Variants in SHOC2 observed in about 807,000 individuals in gnomAD.
SHOC2 encodes the protein leucine-rich repeat protein SHOC-2.
A neutral mutation model predicts 50.2 loss-of-function variants in SHOC2; 4 were observed. The ratio of observed to expected loss-of-function variants is 0.08; its 90% CI spans 0.04 to 0.18. The LOEUF is 0.18. Among genes scored for constraint, SHOC2 ranks in the 10% least tolerant of loss-of-function variants. The pLI, the probability that SHOC2 is intolerant of heterozygous loss-of-function variation, is 1.00. For synonymous variants in SHOC2, 218 were observed against 244.5 expected (o/e 0.89, Z 1.01); for missense variants, 388 against 669.6 (o/e 0.58, Z 4.64).
At chr10:110,963,080 A>G (rs1847602423) in intron 1 of SHOC2, among the ~76,000 whole-genome samples, 2 of 152,144 alleles carry the variant, frequency 1.3e-5, no homozygotes, top group South Asian at 4.1e-4. Flanking sequence ...TTAACCTCTT[A>G]AGCTAGTCAG....
chr10:110,924,689 C>T (rs1424120625), intron 1 of SHOC2, among the ~76,000 whole-genome samples: 1 of 152,064 alleles, frequency 6.6e-6, no homozygotes, highest in East Asian at 1.9e-4. Flanking sequence ...ACCTATTTTT[C>T]ATTACTATTT....
intron 1 of SHOC2, among the ~76,000 whole-genome samples, chr10:110,941,062 G>C (rs1201990092): frequency 6.6e-6 from 1 of 151,404 alleles, no homozygotes; most frequent in African/African-American, 2.4e-5. Flanking sequence ...CTCCCAAGTA[G>C]CTGAGACAAC....
intron 1 of SHOC2, among the ~76,000 whole-genome samples, chr10:110,921,093 A>G (rs1846638127): frequency 6.6e-6 from 1 of 152,188 alleles, no homozygotes; most frequent in Non-Finnish European, 1.5e-5. Flanking sequence ...CTCATCCTCC[A>G]TGCTGTGGAC....
Position 110,964,682 on chromosome 10 carries a change from C to G in SHOC2, c.324C>G (p.Ser108=), listed in dbSNP as rs1255512654. 6.2e-7 allele frequency: 1 copy of G among 1,613,874 alleles called. No homozygotes were observed. Among genetic ancestry groups the G allele is most frequent in the African/African-American group, 1.3e-5 (1 of 74,854 alleles). ...AGAATTCAATGCGTTTGGACTTATCCAAGAGATCTATACACATATTGCCAT... is the reference window on the plus strand; with the variant it reads ...AGAATTCAATGCGTTTGGACTTATCGAAGAGATCTATACACATATTGCCAT... ...REENSMRLDL[S]KRSIHILPSS... Residue 108 remains serine (S), a synonymous_variant, in exon 2 of 9, where the codon TCC becomes TCG. Transcript: ENST00000369452. The surrounding 1 kb of genome is among the most constrained non-coding windows in gnomAD (Gnocchi z 4.9).
chr10:110,936,341 G>C (rs1202852641), intron 1 of SHOC2, among the ~76,000 whole-genome samples: 1 of 151,718 alleles, frequency 6.6e-6, no homozygotes, highest in Non-Finnish European at 1.5e-5. Flanking sequence ...GAACTCAGGT[G>C]ATCCGCCTGC....
At chr10:110,974,461 CAT>C (rs1208965586) in intron 2 of SHOC2, among the ~76,000 whole-genome samples, 4 of 152,054 alleles carry the variant, frequency 2.6e-5, no homozygotes, top group Non-Finnish European at 4.4e-5. Context: ...TCAACAGTGT[CAT>C]ACAGTGCTTG....
chr10:110,941,499 T>C (rs929501119), intron 1 of SHOC2, among the ~76,000 whole-genome samples: 6 of 151,944 alleles, frequency 3.9e-5, no homozygotes, highest in Admixed American at 3.9e-4. Flanking sequence ...GCCTGGCTAA[T>C]TTTTGTATTT....
Position 111,013,228 on chromosome 10 carries a change from G to A in SHOC2, c.*1410G>A, listed in dbSNP as rs779208280. The A allele has an allele frequency of 6.6e-6, 1 of 151,330 alleles. No homozygotes were observed. Among genetic ancestry groups the A allele is most frequent in the Non-Finnish European group, 1.5e-5 (1 of 67,932 alleles). 9.4% of individuals were successfully genotyped at this position (151,330 alleles called of 1,614,324 possible). On this transcript the variant is annotated 3_prime_UTR_variant, in exon 9 of 9. Transcript: ENST00000369452. ...ATTGAGGAGTCTCAGAGCAAGGTGC[G>A]TTCTAGATGTCATCCTAAAAAACAC...
intron 2 of SHOC2, among the ~76,000 whole-genome samples, chr10:110,974,698 A>G (rs1847844542): frequency 6.6e-6 from 1 of 152,056 alleles, no homozygotes; most frequent in Non-Finnish European, 1.5e-5. Context: ...AGTGTTTACA[A>G]TACATTATCA....
intron 2 of SHOC2, among the ~76,000 whole-genome samples, chr10:110,971,409 T>C (rs982323248): frequency 5.3e-5 from 8 of 152,144 alleles, no homozygotes; most frequent in African/African-American, 1.7e-4. Context: ...TCAATTGATC[T>C]ATTGTCTTGT....
chr10:111,003,164 A>G (rs978752091), intron 4 of SHOC2, among the ~76,000 whole-genome samples: 6 of 152,228 alleles, frequency 3.9e-5, no homozygotes, highest in Non-Finnish European at 8.8e-5. Context: ...CCTCAATTAT[A>G]TAGTTACTTC....
chr10:110,961,665 A>G (rs1201654870), intron 1 of SHOC2, among the ~76,000 whole-genome samples: 1 of 152,172 alleles, frequency 6.6e-6, no homozygotes, highest in African/African-American at 2.4e-5. Context: ...CACTAGTTCA[A>G]ATTCATCACC....
At chr10:110,957,168 A>G (rs1847479993) in intron 1 of SHOC2, among the ~76,000 whole-genome samples, 2 of 152,222 alleles carry the variant, frequency 1.3e-5, no homozygotes, top group South Asian at 4.1e-4. Flanking sequence ...CCATGCTTTC[A>G]TACCATTTAA....
intron 3 of SHOC2, among the ~76,000 whole-genome samples, chr10:110,991,014 A>G (rs1056548771): frequency 6.6e-6 from 1 of 152,188 alleles, no homozygotes; most frequent in African/African-American, 2.4e-5. Flanking sequence ...TTTCTCCTAA[A>G]TATCTGTGTA....
At chr10:110,936,483 G>A in intron 1 of SHOC2, 1 of 569,930 alleles carries the variant, frequency 1.8e-6, no homozygotes, top group Non-Finnish European at 3.1e-6. Context: ...ATTCTCAAAG[G>A]ATTCTCTTTT....
chr10:110,962,929 T>C (rs572378364), intron 1 of SHOC2, among the ~76,000 whole-genome samples: 1 of 152,336 alleles, frequency 6.6e-6, no homozygotes, highest in East Asian at 1.9e-4. Flanking sequence ...TTGTTATATG[T>C]GAGTGTTTTG....
chr10:111,011,535 A>T, intron 8 of SHOC2, 75 bp from the exon 9 acceptor site: 4 of 972,884 alleles, frequency 4.1e-6, no homozygotes, highest in Non-Finnish European at 6.5e-6. Flanking sequence ...TAATGACCAG[A>T]ACAGCATCAT....
intron 2 of SHOC2, among the ~76,000 whole-genome samples, chr10:110,975,577 A>G (rs1156254513): frequency 7.4e-6 from 1 of 134,738 alleles, no homozygotes; most frequent in Non-Finnish European, 1.7e-5. Flanking sequence ...GTTTTATAGC[A>G]TATCACTCAT....
At chr10:111,009,095 A>C (rs1848521629) in intron 6 of SHOC2, among the ~76,000 whole-genome samples, 153 bp from the exon 7 acceptor site, 1 of 152,086 alleles carries the variant, frequency 6.6e-6, no homozygotes, top group African/African-American at 2.4e-5. Context: ...TTAGAAAAGT[A>C]AGTTAAATAT....
Sources: gnomAD v4.1 joint callset for allele counts (sites outside exome capture counted in the v4.1 genomes callset) on GRCh38, gnomAD v4.1.1 for gene constraint, Gnocchi (gnomAD v3.1) non-coding constraint, MANE v1.5 for transcripts, NCBI Gene and HGNC (gene_info 2026-07-23, HGNC 2026-07-21) for gene names.